The following RABL3 variants were observed in gnomAD, a reference collection of about 807,000 sequenced individuals.
The protein encoded by RABL3 is RAB, member of RAS oncogene family like 3, also known as rab-like protein 3.
RABL3 carries 31 observed loss-of-function variants against 31.8 expected under a neutral mutation model. The ratio of observed to expected loss-of-function variants is 0.97; its 90% CI spans 0.73 to 1.31. The LOEUF is 1.31. RABL3 is among the 40% of genes most tolerant of loss of function. RABL3 has a pLI of 0.00. For synonymous variants in RABL3, 97 were observed against 99.9 expected (o/e 0.97, Z 0.18); for missense variants, 263 against 279.6 (o/e 0.94, Z 0.42).
Position 120,690,443 on chromosome 3 carries a change from A to G in RABL3, c.645+6T>C. ...AATCTATTTTATCAAGAAAAGAGATACCAACCTGATTACCTTCTCTTAAAA... is the reference window on the plus strand; with the variant it reads ...AATCTATTTTATCAAGAAAAGAGATGCCAACCTGATTACCTTCTCTTAAAA... On this transcript the variant is annotated splice_donor_region_variant and intron_variant, in intron 7 of 7. Coordinates refer to ENST00000273375, the MANE Select transcript of RABL3 (RefSeq NM_173825.5). The G allele has an allele frequency of 6.4e-7, 1 of 1,558,954 alleles. No individual in the cohort carries two copies. The highest frequency in any genetic ancestry group is 1.1e-5 in the South Asian group (1 of 89,478).
At chr3:120,729,752 C>T (rs1708860924) in intron 2 of RABL3, among the ~76,000 whole-genome samples, 1 of 151,706 alleles carries the variant, frequency 6.6e-6, no homozygotes, top group African/African-American at 2.4e-5. Context: ...AGTACATCAT[C>T]CAGAAGGCAG....
At chr3:120,721,126 A>G (rs1708734743) in intron 2 of RABL3, among the ~76,000 whole-genome samples, 1 of 152,236 alleles carries the variant, frequency 6.6e-6, no homozygotes, top group African/African-American at 2.4e-5. Context: ...TTTACAGATA[A>G]GCAAATGCTG....
intron 4 of RABL3, among the ~76,000 whole-genome samples, chr3:120,701,853 T>C (rs1708495937): frequency 6.6e-6 from 1 of 152,174 alleles, no homozygotes; most frequent in South Asian, 2.1e-4. Flanking sequence ...TATCCTGTCT[T>C]TCCCAGTGAA....
chr3:120,711,737 A>G (rs989716079), intron 2 of RABL3, among the ~76,000 whole-genome samples: 1 of 152,188 alleles, frequency 6.6e-6, no homozygotes, highest in African/African-American at 2.4e-5. Context: ...GCATTTTCCA[A>G]GAATTAATTT....
At chr3:120,698,397 A>G in intron 5 of RABL3, 26 bp downstream of exon 5, 3 of 1,594,078 alleles carry the variant, frequency 1.9e-6, no homozygotes, top group Non-Finnish European at 2.6e-6. Flanking sequence ...ATAATAATAC[A>G]AGCATGCATT....
rs1708299390 is a variant in RABL3 at position 120,685,581 on chromosome 3, C to T, written c.*4242G>A. Among the ~76,000 whole-genome samples the T allele has an allele frequency of 6.6e-6, 1 of 152,098 alleles. No individual in the cohort carries two copies. The highest frequency in any genetic ancestry group is 2.4e-5 in the African/African-American group (1 of 41,414). ...ACATGAAAGACAAATACTTGTTTTGCCAACAGAAGACATGACAATCATCTC... is the reference window on the plus strand; with the variant it reads ...ACATGAAAGACAAATACTTGTTTTGTCAACAGAAGACATGACAATCATCTC... On this transcript the variant is annotated 3_prime_UTR_variant, in exon 8 of 8. Transcript: ENST00000273375.
At chr3:120,739,376 C>T (rs766491679) in intron 1 of RABL3, among the ~76,000 whole-genome samples, 13 of 152,008 alleles carry the variant, frequency 8.6e-5, no homozygotes, top group Non-Finnish European at 4.4e-5. Context: ...CAATCCGTCT[C>T]GGTGGTGGCG....
chr3:120,740,148 C>T (rs1709023638), intron 1 of RABL3, among the ~76,000 whole-genome samples: 1 of 152,154 alleles, frequency 6.6e-6, no homozygotes. Flanking sequence ...AAACTAGTCC[C>T]TAATCTCTGA....
chr3:120,714,359 T>C (rs1168590974), intron 2 of RABL3, among the ~76,000 whole-genome samples: 3 of 152,224 alleles, frequency 2.0e-5, no homozygotes, highest in Admixed American at 6.5e-5. Context: ...TTCACTGCTA[T>C]ACTTCCAGTT....
chr3:120,733,135 C>A (rs969990604), intron 1 of RABL3, among the ~76,000 whole-genome samples: 1 of 152,204 alleles, frequency 6.6e-6, no homozygotes, highest in African/African-American at 2.4e-5. Flanking sequence ...GAGAAATCGC[C>A]CCACTCTCTT....
At chr3:120,693,214 T>C (rs1708400278) in intron 6 of RABL3, among the ~76,000 whole-genome samples, 1 of 152,014 alleles carries the variant, frequency 6.6e-6, no homozygotes, top group East Asian at 1.9e-4. Flanking sequence ...GAAGCAAAAT[T>C]TTCCTAGTGG....
intron 4 of RABL3, among the ~76,000 whole-genome samples, chr3:120,702,353 A>G (rs1049702661): frequency 6.6e-6 from 1 of 152,004 alleles, no homozygotes; most frequent in Admixed American, 6.6e-5. Context: ...GAAGCCTGCA[A>G]CCTAGATCCC....
chr3:120,709,370 T>C (rs567465015), intron 3 of RABL3, among the ~76,000 whole-genome samples: 1 of 151,334 alleles, frequency 6.6e-6, no homozygotes, highest in South Asian at 2.1e-4. Context: ...TAGGGCTCTT[T>C]CTAAGGGGCA....
At chr3:120,739,334 G>A (rs1367834734) in intron 1 of RABL3, among the ~76,000 whole-genome samples, 9 of 152,008 alleles carry the variant, frequency 5.9e-5, no homozygotes, top group Non-Finnish European at 8.8e-5. Context: ...CCGAGATTGC[G>A]CCACTGCACT....
In RABL3 at chr3:120,688,420, T is replaced by C. The variant is rs1708339706; in HGVS notation, c.*1403A>G. ...TAGCTGATGAAAGCTGCTTTAAAAA[T>C]CCTTTTCCAAATTCCCAAGACTGCC... On this transcript the variant is annotated 3_prime_UTR_variant, in exon 8 of 8. Coordinates refer to ENST00000273375, the MANE Select transcript of RABL3 (RefSeq NM_173825.5). 6.6e-6 allele frequency: 1 copy of C among 152,596 alleles called. No individual in the cohort carries two copies. The highest frequency in any genetic ancestry group is 1.5e-5 in the Non-Finnish European group (1 of 68,034). The allele number at this position is 152,596 out of a possible 1,614,324, so 9.5% of individuals were successfully genotyped here.
intron 2 of RABL3, among the ~76,000 whole-genome samples, chr3:120,713,896 C>T (rs11720667): frequency 0.12 from 18,729 of 150,892 alleles, 1,363 homozygotes; most frequent in South Asian, 0.2. Flanking sequence ...CTGCAACCTC[C>T]GCCTCCCTGG....
At position 120,687,792 on chromosome 3, in the gene RABL3, A is replaced by T. The variant is rs1016619411; in HGVS notation, c.*2031T>A. Reference sequence around the variant, plus strand: ...TTTTATTATTTATTTATATATTTATATATTTATTTATTTATTTTCTTTTAG... The same window carrying T: ...TTTTATTATTTATTTATATATTTATTTATTTATTTATTTATTTTCTTTTAG... On this transcript the variant is annotated 3_prime_UTR_variant, in exon 8 of 8. Coordinates refer to ENST00000273375, the MANE Select transcript of RABL3 (RefSeq NM_173825.5). 2.7e-5 allele frequency: 4 copies of T among 150,758 alleles called. No individual in the cohort carries two copies. Among genetic ancestry groups the T allele is most frequent in the Non-Finnish European group, 5.9e-5 (4 of 67,710 alleles). 9.3% of individuals were successfully genotyped at this position (150,758 alleles called of 1,614,324 possible).
chr3:120,742,376 A>G, intron 1 of RABL3, 86 bp downstream of exon 1: 2 of 1,278,024 alleles, frequency 1.6e-6, no homozygotes, highest in South Asian at 1.2e-5. Flanking sequence ...CCGAGGAGCC[A>G]GGAAGTTGAG....
chr3:120,717,555 G>A (rs1708685909), intron 2 of RABL3, among the ~76,000 whole-genome samples: 1 of 152,040 alleles, frequency 6.6e-6, no homozygotes, highest in South Asian at 2.1e-4. Flanking sequence ...TGCAACCTCC[G>A]CATCCCGGGT....
Sources: allele counts gnomAD v4.1 joint callset (sites outside exome capture counted in the v4.1 genomes callset), GRCh38; gene constraint gnomAD v4.1.1; transcripts MANE v1.5; gene names NCBI Gene and HGNC (gene_info 2026-07-23, HGNC 2026-07-21).